The following LRP4 variants were observed in gnomAD, a reference collection of about 807,000 sequenced individuals.
LRP4 encodes the protein low-density lipoprotein receptor-related protein 4.
In LRP4, 95 loss-of-function variants were observed where a neutral mutation model predicts 220.3. The ratio of observed to expected loss-of-function variants is 0.43; its 90% CI spans 0.37 to 0.51. The LOEUF is 0.51. LRP4 is among the 20% of genes least tolerant of loss of function. The pLI, the probability that LRP4 is intolerant of heterozygous loss-of-function variation, is 0.00. For missense variants in LRP4, 1,925 were observed against 2,567.0 expected, an observed-to-expected ratio of 0.75 and a Z score of 5.40; for synonymous variants, 903 against 954.6, an observed-to-expected ratio of 0.95 and a Z score of 1.00.
At chr11:46,911,149 G>T (rs1409423233) in intron 1 of LRP4, among the ~76,000 whole-genome samples, 1 of 152,092 alleles carries the variant, frequency 6.6e-6, no homozygotes, top group Admixed American at 6.6e-5. Flanking sequence ...GAAATAATAC[G>T]TATGAGGTTC....
chr11:46,891,410 G>A (rs536443479), intron 13 of LRP4, among the ~76,000 whole-genome samples: 4 of 148,558 alleles, frequency 2.7e-5, no homozygotes, highest in Non-Finnish European at 5.9e-5. Context: ...CACCATGCCC[G>A]GCTCCTTTTG....
intron 1 of LRP4, among the ~76,000 whole-genome samples, chr11:46,907,756 C>A (rs547922695): frequency 6.6e-6 from 1 of 152,320 alleles, no homozygotes; most frequent in Non-Finnish European, 1.5e-5. Context: ...AGGTTCAAAT[C>A]TTGGTTCTAC....
At position 46,900,361 on chromosome 11, in the gene LRP4, G is replaced by A. The variant is rs1462100682; in HGVS notation, c.217C>T (p.Pro73Ser). The change falls in exon 3 of 38, where the codon CCT (proline) becomes TCT (serine). Residue 73 changes from proline to serine, a missense_variant. Physicochemically the swap from Pro to Ser is moderately conservative, Grantham distance 74 (BLOSUM62 -1). Coordinates refer to ENST00000378623, the MANE Select transcript of LRP4 (RefSeq NM_002334.4). ...EDGCILPTCS[P>S]LDFHCDNGKC... ...CCATTGTCACAGTGAAAGTCAAGAG[G>A]GGAACAGGTAGGTAGTACTGAATCC... is the stretch of plus-strand genomic sequence containing the variant. 6.2e-7 allele frequency: 1 copy of A among 1,611,618 alleles called. No homozygotes were observed. Among genetic ancestry groups the A allele is most frequent in the Non-Finnish European group, 8.5e-7 (1 of 1,177,852 alleles).
At chr11:46,877,479 A>G (rs1443796489) in intron 22 of LRP4, 140 bp from the exon 23 acceptor site, 1 of 944,904 alleles carries the variant, frequency 1.1e-6, no homozygotes, top group East Asian at 2.6e-5. Flanking sequence ...AATTATTATT[A>G]TTTTTTGAGA....
rs374890595 is a variant in LRP4, at chr11:46,886,431, C to T, written c.2318G>A (p.Arg773His). 5.5e-5 allele frequency: 89 copies of T among 1,613,970 alleles called. 1 individual carries two copies. In the East Asian group the frequency reaches 8.0e-4, roughly 15 times the overall value. ...GTCCCAGTCAAGGGCCACAGCACTG[C>T]GCACGTCAGCCAGTGGGATGACATC... ...SDDVIPLADV[R>H]SAVALDWDSR... The change falls in exon 17 of 38, where the codon CGC becomes CAC. Residue 773 changes from arginine (R) to histidine (H), a missense_variant. Arg to His is a conservative substitution (Grantham distance 29). Coordinates refer to ENST00000378623, the MANE Select transcript of LRP4 (RefSeq NM_002334.4).
At position 46,898,996 on chromosome 11, in the gene LRP4, T is replaced by C. The variant is rs1941605312; in HGVS notation, c.584A>G (p.Glu195Gly). 1 of 1,613,372 alleles carries C rather than the reference T, an allele frequency of 6.2e-7. No individual in the cohort carries two copies. The highest frequency in any genetic ancestry group is 1.1e-5 in the South Asian group (1 of 91,062). Residue 195 changes from glutamate (E) to glycine (G), a missense_variant, in exon 6 of 38, where the codon GAG becomes GGG. Glu to Gly is a moderately conservative substitution (Grantham distance 98). This residue lies in a region of LRP4 where 412 missense variants were observed against 505.4 expected (regional missense o/e 0.82). Coordinates refer to ENST00000378623, the MANE Select transcript of LRP4 (RefSeq NM_002334.4). ...GCAGCGTCCATAGGCACACTGGAAC[T>C]CCTCCAGGTTGCAGGGGGGCGCTGG... ...AVPAPPCNLE[E>G]FQCAYGRCIL...
intron 15 of LRP4, 121 bp downstream of exon 15, chr11:46,889,823 C>A (rs1201204920): frequency 3.5e-6 from 4 of 1,145,994 alleles, no homozygotes; most frequent in South Asian, 1.3e-5. Flanking sequence ...CATGTCAGTG[C>A]CCTGCTGGAT....
At chr11:46,893,484 A>G (rs1030646816) in intron 12 of LRP4, among the ~76,000 whole-genome samples, 1 of 152,208 alleles carries the variant, frequency 6.6e-6, no homozygotes, top group East Asian at 1.9e-4. Context: ...TTGCAGAGGC[A>G]TTTCAGAAAT....
chr11:46,902,737 C>A, intron 2 of LRP4, 46 bp downstream of exon 2: 1 of 1,611,968 alleles, frequency 6.2e-7, no homozygotes, highest in East Asian at 2.2e-5. Context: ...CCCCCACCCC[C>A]AGGTCCCTCT....
Position 46,899,582 on chromosome 11 carries a change from T to G in LRP4, c.431-79A>C, listed in dbSNP as rs1941622369. On this transcript the variant is annotated intron_variant, in intron 4 of 37. Transcript: ENST00000378623. This position sits in a 1 kb window ranked among gnomAD's most constrained non-coding sequence, Gnocchi z 5.9. ...TCACCCTCCTCTCTGACTCCCAACC[T>G]CACTGGCTTTGGCGGGTCTGACCTA... 1 of 1,051,018 alleles carries G rather than the reference T, an allele frequency of 9.5e-7. No homozygotes were observed. The highest frequency in any genetic ancestry group is 1.5e-6 in the Non-Finnish European group (1 of 678,468). The allele number at this position is 1,051,018 out of a possible 1,614,324, so 65.1% of individuals were successfully genotyped here.
intron 1 of LRP4, among the ~76,000 whole-genome samples, chr11:46,904,140 C>T (rs562662317): frequency 6.6e-6 from 1 of 152,200 alleles, no homozygotes; most frequent in Non-Finnish European, 1.5e-5. Flanking sequence ...GGGGCCGCAG[C>T]GCATGGCTCA....
At chr11:46,910,563 C>T (rs1941842236) in intron 1 of LRP4, among the ~76,000 whole-genome samples, 1 of 152,140 alleles carries the variant, frequency 6.6e-6, no homozygotes, top group African/African-American at 2.4e-5. Context: ...CTACTGTGTA[C>T]CAGGCAGCAG....
chr11:46,872,961 T>C, intron 30 of LRP4, 139 bp downstream of exon 30: 2 of 1,234,724 alleles, frequency 1.6e-6, no homozygotes, highest in Non-Finnish European at 2.4e-6. Context: ...TAAGAATATA[T>C]TCCCTTATCC....
intron 37 of LRP4, among the ~76,000 whole-genome samples, chr11:46,860,094 G>A (rs1012253185): frequency 6.6e-6 from 1 of 151,892 alleles, no homozygotes; most frequent in Non-Finnish European, 1.5e-5. Flanking sequence ...AATCAGCTGG[G>A]TTTGGTGGCG....
chr11:46,902,804 G>A lies in LRP4; in HGVS notation c.178C>T (p.His60Tyr). ...TTACTACATCCATCCTCATCGCTGT[G>A]GTCCCCGCAGTCATTGTCTCCATCA... ...QCDGDNDCGD[H>Y]SDEDGCILPT... The change falls in exon 2 of 38, where the codon CAC becomes TAC. Residue 60 changes from histidine to tyrosine, a missense_variant. By Grantham distance (83) the His-to-Tyr change is moderately conservative (BLOSUM62 2). This residue lies in a region of LRP4 where 412 missense variants were observed against 505.4 expected (regional missense o/e 0.82). Transcript: ENST00000378623. 6.2e-7 allele frequency: 1 copy of A among 1,614,064 alleles called. No individual in the cohort carries two copies. Among genetic ancestry groups the A allele is most frequent in the Non-Finnish European group, 8.5e-7 (1 of 1,180,030 alleles).
Position 46,862,723 on chromosome 11 carries a change from A to G in LRP4, c.5268T>C (p.Asp1756=), listed in dbSNP as rs748071941. 1 of 1,613,964 alleles carries G rather than the reference A, an allele frequency of 6.2e-7. No individual in the cohort carries two copies. Among genetic ancestry groups the G allele is most frequent in the South Asian group, 1.1e-5 (1 of 91,070 alleles). The part of the protein sequence containing the change: ...LYRHKKSKFT[D]PGMGNLTYSN... The stretch of plus-strand genomic sequence containing the variant: ...TGTAGGTGAGGTTCCCCATTCCAGG[A>G]TCAGTGAACTTGGATTTTTTGTGTC... Residue 1756 remains aspartate (D), a synonymous_variant, in exon 37 of 38, where the codon GAT becomes GAC. Transcript: ENST00000378623.
In LRP4 at chr11:46,896,891, A is replaced by G. The variant is rs763749888; in HGVS notation, c.900T>C (p.Asp300=). The G allele has an allele frequency of 6.2e-7, 1 of 1,614,210 alleles. No homozygotes were observed. Among genetic ancestry groups the G allele is most frequent in the Non-Finnish European group, 8.5e-7 (1 of 1,180,008 alleles). Residue 300 remains aspartate (D), a synonymous_variant, in exon 8 of 38, where the codon GAT becomes GAC. Coordinates refer to ENST00000378623, the MANE Select transcript of LRP4 (RefSeq NM_002334.4). ...DGEDDCADNS[D]EENCENTGSP... ...CACCTGTATTCTCACAGTTCTCTTC[A>G]TCGCTGTTGTCTGCACAGTCGTCCT...
chr11:46,875,669 C>T lies in LRP4; in HGVS notation c.3712G>A (p.Ala1238Thr), dbSNP rs2306031. The change falls in exon 27 of 38, where the codon GCT (alanine) becomes ACT (threonine). Residue 1238 changes from alanine to threonine, a missense_variant. This residue lies in a region of LRP4 where 1,244 missense variants were observed against 1,624.9 expected (regional missense o/e 0.77). Transcript: ENST00000378623. The surrounding 1 kb of genome is among the most constrained non-coding windows in gnomAD (Gnocchi z 4.5). ...TGCCGATTGGCACCATTCAGGTCAG[C>T]AGCCTCAATTCGCTGCAGAGGAAGG... ...ADAHTERIEA[A>T]DLNGANRHTL... The T allele has an allele frequency of 6.2e-7, 1 of 1,614,144 alleles. No individual in the cohort carries two copies. The highest frequency in any genetic ancestry group is 2.2e-5 in the East Asian group (1 of 44,882).
At chr11:46,913,362 G>A (rs1266145154) in intron 1 of LRP4, among the ~76,000 whole-genome samples, 8 of 152,098 alleles carry the variant, frequency 5.3e-5, no homozygotes, top group African/African-American at 1.9e-4. Flanking sequence ...TCAACTTTCC[G>A]CAGCTCCCAA....
Sources: gnomAD v4.1 joint callset for allele counts (sites outside exome capture counted in the v4.1 genomes callset) on GRCh38, gnomAD v4.1.1 for gene constraint, gnomAD v4.1.1 regional missense constraint, Gnocchi (gnomAD v3.1) non-coding constraint, MANE v1.5 for transcripts, NCBI Gene and HGNC (gene_info 2026-07-23, HGNC 2026-07-21) for gene names.